Variants in GAREM2 observed in about 807,000 individuals in gnomAD.
GAREM2 encodes GRB2-associated and regulator of MAPK protein 2.
A neutral mutation model predicts 55.6 loss-of-function variants in GAREM2; 30 were observed. The ratio of observed to expected loss-of-function variants is 0.54; its 90% CI spans 0.40 to 0.73. The LOEUF (loss-of-function observed/expected upper bound fraction) is 0.73, where lower values mean the gene tolerates loss of function less well. Among genes scored for constraint, GAREM2 ranks in the 30% least tolerant of loss-of-function variants. GAREM2 has a pLI of 0.00. For missense variants in GAREM2, 1,075 were observed against 1,257.7 expected, an observed-to-expected ratio of 0.85 and a Z score of 2.20; for synonymous variants, 550 against 569.1, an observed-to-expected ratio of 0.97 and a Z score of 0.48.
At chr2:26,190,284 C>T (rs529843325), downstream of GAREM2, among the ~76,000 whole-genome samples, 66 of 152,260 alleles carry the variant, frequency 4.3e-4, no homozygotes, top group African/African-American at 1.1e-3. Context: ...ATTACGATTC[C>T]GCACACACTC....
chr2:26,192,218 TTA>T (rs1669527744), downstream of GAREM2: 1 of 718,374 alleles, frequency 1.4e-6, no homozygotes, highest in Non-Finnish European at 2.5e-6. Flanking sequence ...ACTTAAAGTA[TTA>T]AAAAAAAAAA....
At chr2:26,193,825 C>G (rs1025776132), downstream of GAREM2, 17 of 1,410,040 alleles carry the variant, frequency 1.2e-5, no homozygotes, top group Non-Finnish European at 1.6e-5. Context: ...CAAATCCCCC[C>G]AAAGGGCTCC....
chr2:26,195,259 G>C, the GAREM2 span: 2 of 1,603,662 alleles, frequency 1.2e-6, no homozygotes, highest in South Asian at 1.1e-5. Context: ...AAAGCCAACA[G>C]ATCGGAGAAT....
chr2:26,202,602 A>G, the GAREM2 span, among the ~76,000 whole-genome samples: 3 of 152,308 alleles, frequency 2.0e-5, no homozygotes, highest in African/African-American at 7.2e-5. Context: ...TCAGCTGTGC[A>G]TGGTGGCGCA....
Position 26,183,003 on chromosome 2 carries a change from G to T in GAREM2, c.290G>T (p.Arg97Leu), listed in dbSNP as rs752522463. The T allele has an allele frequency of 3.9e-6, 6 of 1,551,724 alleles. No homozygotes were observed. The highest frequency in any genetic ancestry group is 2.0e-5 in the Admixed American group (1 of 51,004). ...CTCCTGGAACAGGCCCGGGATGTGC[G>T]GGAGCCAGTGAGGTACTTCAGCAGC... ...FKLLEQARDV[R>L]EPVRYFSSVE... The change falls in exon 3 of 6, where the codon CGG (arginine) becomes CTG (leucine). Residue 97 changes from arginine (R) to leucine (L), a missense_variant. Around this residue, in one of 6 missense-constraint regions of GAREM2, gnomAD observed 230 missense variants for 310.6 expected, o/e 0.74. Coordinates refer to ENST00000401533, the MANE Select transcript of GAREM2 (RefSeq NM_001168241.2).
chr2:26,174,578 C>T (rs72849130), intron 1 of GAREM2, among the ~76,000 whole-genome samples: 196 of 152,312 alleles, frequency 1.3e-3, no homozygotes, highest in African/African-American at 4.5e-3. Context: ...TGGCTGTGGG[C>T]TCCTTGAGAC....
At position 26,188,161 on chromosome 2, in the gene GAREM2, G is replaced by A. The variant is rs1175751672; in HGVS notation, c.2529G>A (p.Gln843=). ...GCATCGATGGTAGCATCTTTGTGCAGCTCAGTGAGGACATCCTGGCAGATG... is the reference window on the plus strand; with the variant it reads ...GCATCGATGGTAGCATCTTTGTGCAACTCAGTGAGGACATCCTGGCAGATG... ...RERIDGSIFV[Q]LSEDILADDF... The change falls in exon 6 of 6, where the codon CAG becomes CAA. Residue 843 remains glutamine, a synonymous_variant. Coordinates refer to ENST00000401533, the MANE Select transcript of GAREM2 (RefSeq NM_001168241.2). The A allele has an allele frequency of 3.2e-6, 5 of 1,550,360 alleles. No homozygotes were observed. In the South Asian group the frequency reaches 6.0e-5, roughly 19 times the overall value.
In GAREM2 at chr2:26,177,919, A is replaced by G. The variant is rs530797977; in HGVS notation, c.253+1435A>G. 1.6e-4 allele frequency among the ~76,000 whole-genome samples: 25 copies of G among 152,132 alleles called. No homozygotes were observed. In the South Asian group the frequency reaches 1.9e-3, roughly 11 times the overall value. On this transcript the variant is annotated intron_variant, in intron 2 of 5. Coordinates refer to ENST00000401533, the MANE Select transcript of GAREM2 (RefSeq NM_001168241.2). ...TGGAATTACAGGTGTCAGCCACCAA[A>G]CCCAGCCCAGTTCTGTGTTTTTAAC...
rs1359341382 is a variant in GAREM2, at chr2:26,173,170, G to C, written c.-51G>C. ...CGGCGGGCGCGAGAGCCTGGGCCGC[G>C]CGGGACTGACCGTCGGGGCCCCGGG... On this transcript the variant is annotated 5_prime_UTR_variant, in exon 1 of 6. Transcript: ENST00000401533. 2.8e-6 allele frequency: 2 copies of C among 703,158 alleles called. No individual in the cohort carries two copies. Among genetic ancestry groups the C allele is most frequent in the Admixed American group, 1.0e-4 (2 of 19,198 alleles). 43.6% of individuals were successfully genotyped at this position (703,158 alleles called of 1,614,324 possible). A position where few individuals can be genotyped will look rare whatever the true frequency, so the allele number is the denominator to read the frequency against.
chr2:26,192,240 G>T, downstream of GAREM2: 1 of 804,204 alleles, frequency 1.2e-6, no homozygotes, highest in Non-Finnish European at 2.2e-6. Flanking sequence ...AAAAATGGAA[G>T]AGGGGCTGGG....
chr2:26,201,111 A>T, the GAREM2 span: 1 of 1,489,984 alleles, frequency 6.7e-7, no homozygotes. Context: ...TTTTCTGTTC[A>T]CTACACTAGG....
At chr2:26,182,637 C>T (rs1260602827) in intron 2 of GAREM2, 7 of 854,108 alleles carry the variant, frequency 8.2e-6, no homozygotes. Context: ...GATAGTTGAT[C>T]AGAGGCCAGC....
rs912867726 is a variant in GAREM2, at chr2:26,185,296, G to A, written c.1428+20G>A. The stretch of plus-strand genomic sequence containing the variant: ...GAGGCGGTGAGTGAGCGCGCTGGGG[G>A]CCGAGTCCCGGGTCCAGCCAGGGCC... On this transcript the variant is annotated intron_variant, in intron 4 of 5. Transcript: ENST00000401533. 5 of 1,491,428 alleles carry A rather than the reference G, an allele frequency of 3.4e-6. No homozygotes were observed. Among genetic ancestry groups the A allele is most frequent in the Admixed American group, 2.1e-5 (1 of 46,572 alleles). The allele number at this position is 1,491,428 out of a possible 1,614,324, so 92.4% of individuals were successfully genotyped here.
At chr2:26,183,381 G>A (rs1239513268) in intron 3 of GAREM2, among the ~76,000 whole-genome samples, 5 of 152,216 alleles carry the variant, frequency 3.3e-5, no homozygotes, top group African/African-American at 1.2e-4. Flanking sequence ...AGCTGCCCCA[G>A]CACCCACTTG....
intron 2 of GAREM2, among the ~76,000 whole-genome samples, chr2:26,180,113 C>G (rs1036469273): frequency 6.6e-6 from 1 of 152,108 alleles, no homozygotes; most frequent in African/African-American, 2.4e-5. Context: ...GGTCCCAGGG[C>G]GGGGAGGGCA....
Position 26,179,356 on chromosome 2 carries a change from G to A in GAREM2, c.253+2872G>A, listed in dbSNP as rs1265677088. On this transcript the variant is annotated intron_variant, in intron 2 of 5. Coordinates refer to ENST00000401533, the MANE Select transcript of GAREM2 (RefSeq NM_001168241.2). This position sits in a 1 kb window ranked among gnomAD's most constrained non-coding sequence, Gnocchi z 4.7. ...AGACGGGAAATCCGAAGCCCAGAGA[G>A]ATTAAATAATTTGCCCAAGGTCACA... Among the ~76,000 whole-genome samples, 1 of 152,254 alleles carries A rather than the reference G, an allele frequency of 6.6e-6. No homozygotes were observed. The highest frequency in any genetic ancestry group is 1.5e-5 in the Non-Finnish European group (1 of 68,044).
In GAREM2 at chr2:26,176,163, C is replaced by G. The variant is rs1574584781; in HGVS notation, c.113-181C>G. ...CCTGAGAGGCTCACAGCCAGCCCCA[C>G]AGCCCCAGGCCCCAGCTGGCAGCCC... is the stretch of plus-strand genomic sequence containing the variant. On this transcript the variant is annotated intron_variant, in intron 1 of 5. Transcript: ENST00000401533. Among the ~76,000 whole-genome samples, 4 of 152,186 alleles carry G rather than the reference C, an allele frequency of 2.6e-5. No homozygotes were observed. In the East Asian group the frequency reaches 7.7e-4, roughly 29 times the overall value.
At chr2:26,182,478 A>G in intron 2 of GAREM2, 1 of 1,550,548 alleles carries the variant, frequency 6.4e-7, no homozygotes, top group Non-Finnish European at 8.7e-7. Context: ...GGCGATGCAC[A>G]GGATGCCAGA....
chr2:26,185,215 C>T lies in GAREM2; in HGVS notation c.1367C>T (p.Ala456Val), dbSNP rs1280468515. The change falls in exon 4 of 6, where the codon GCG (alanine) becomes GTG (valine). Residue 456 changes from alanine to valine, a missense_variant. By Grantham distance (64) the Ala-to-Val change is moderately conservative. Transcript: ENST00000401533. ...PGLDLISFGA[A>V]GPPRREPEAP... Reference sequence around the variant, plus strand: ...CTCGATCTCATCTCCTTCGGGGCCGCGGGACCGCCGCGTCGGGAGCCGGAA... The same window carrying T: ...CTCGATCTCATCTCCTTCGGGGCCGTGGGACCGCCGCGTCGGGAGCCGGAA... The T allele has an allele frequency of 2.0e-6, 3 of 1,521,384 alleles. No homozygotes were observed. The highest frequency in any genetic ancestry group is 2.8e-5 in the African/African-American group (2 of 70,808). The allele number at this position is 1,521,384 out of a possible 1,614,324, so 94.2% of individuals were successfully genotyped here.
Sources: gnomAD v4.1 joint callset for allele counts (sites outside exome capture counted in the v4.1 genomes callset) on GRCh38, gnomAD v4.1.1 for gene constraint, gnomAD v4.1.1 regional missense constraint, Gnocchi (gnomAD v3.1) non-coding constraint, MANE v1.5 for transcripts, NCBI Gene and HGNC (gene_info 2026-07-23, HGNC 2026-07-21) for gene names.